CHAMP1: variants seen among roughly 807,000 people sequenced by gnomAD.
CHAMP1 encodes the protein chromosome alignment maintaining phosphoprotein 1, also known as chromosome alignment-maintaining phosphoprotein 1.
A neutral mutation model predicts 54.5 loss-of-function variants in CHAMP1; 4 were observed. The observed-to-expected ratio is 0.07, with a 90% CI of 0.04 to 0.17. The LOEUF (loss-of-function observed/expected upper bound fraction) is 0.17. Among genes scored for constraint, CHAMP1 ranks in the 10% least tolerant of loss-of-function variants. CHAMP1 has a pLI of 1.00. For synonymous variants in CHAMP1, 368 were observed against 342.2 expected (o/e 1.08, Z -0.83); for missense variants, 994 against 968.6 (o/e 1.03, Z -0.35).
rs1348911895 is a variant in CHAMP1, at chr13:114,327,300, TAAAA to T, written c.*1021_*1024del. The T allele has an allele frequency of 6.4e-6, 1 of 155,778 alleles. No homozygotes were observed. Among genetic ancestry groups the T allele is most frequent in the Non-Finnish European group, 1.5e-5 (1 of 68,038 alleles). The allele number at this position is 155,778 out of a possible 1,614,324, so 9.6% of individuals were successfully genotyped here. On this transcript the variant is annotated 3_prime_UTR_variant, in exon 3 of 3. Transcript: ENST00000361283. ...TTTGTCAAATGTGTATCAACCAAATTAAAAAGAAAGGTTTTCATGTCAGCAACAT... is the reference window on the plus strand; with the variant it reads ...TTTGTCAAATGTGTATCAACCAAATTAGAAAGGTTTTCATGTCAGCAACAT...
At position 114,325,868 on chromosome 13, in the gene CHAMP1, C is replaced by G. The variant is rs1157373795; in HGVS notation, c.2026C>G (p.Pro676Ala). 1.2e-6 allele frequency: 2 copies of G among 1,613,880 alleles called. No homozygotes were observed. The highest frequency in any genetic ancestry group is 1.7e-6 in the Non-Finnish European group (2 of 1,180,010). The stretch of plus-strand genomic sequence containing the variant: ...AGAGAACAAAATGGACATGACTAGT[C>G]CAGAGCAGTCTAGAAATGTGCTACA... ...SKENKMDMTS[P>A]EQSRNVLQFT... Residue 676 changes from proline (P) to alanine (A), a missense_variant, in exon 3 of 3, where the codon CCA becomes GCA. Physicochemically the swap from Pro to Ala is conservative, Grantham distance 27. This residue lies in a region of CHAMP1 where 851 missense variants were observed against 701.3 expected (regional missense o/e 1.21). Transcript: ENST00000361283.
Position 114,325,277 on chromosome 13 carries a change from C to A in CHAMP1, c.1435C>A (p.Leu479Ile), listed in dbSNP as rs1555379769. ...QKSSRGGSPD[L>I]WKSSFFIEPQ... ...AAGTTCCCGTGGTGGTTCTCCTGAT[C>A]TCTGGAAGTCTTCCTTTTTTATTGA... Residue 479 changes from leucine (L) to isoleucine (I), a missense_variant, in exon 3 of 3, where the codon CTC becomes ATC. By Grantham distance (5) the Leu-to-Ile change is conservative (BLOSUM62 2). Transcript: ENST00000361283. The A allele has an allele frequency of 6.2e-7, 1 of 1,614,178 alleles. No homozygotes were observed. Among genetic ancestry groups the A allele is most frequent in the Non-Finnish European group, 8.5e-7 (1 of 1,180,034 alleles).
intron 1 of CHAMP1, among the ~76,000 whole-genome samples, chr13:114,319,408 G>A (rs117789478): frequency 0.011 from 1,657 of 152,238 alleles, 89 homozygotes; most frequent in Admixed American, 0.076. Flanking sequence ...GATGTGCAAC[G>A]GTTCCAGAGG....
chr13:114,325,144 A>C lies in CHAMP1; in HGVS notation c.1302A>C (p.Ala434=). The part of the protein sequence containing the change: ...PPLSPEIRSP[A]GSPELRKPSG... ...TATCCCCAGAGATCCGTAGTCCAGC[A>C]GGATCTCCAGAGCTCAGAAAACCCT... Residue 434 remains alanine (A), a synonymous_variant, in exon 3 of 3, where the codon GCA becomes GCC. Coordinates refer to ENST00000361283, the MANE Select transcript of CHAMP1 (RefSeq NM_032436.4). 2 of 1,614,182 alleles carry C rather than the reference A, an allele frequency of 1.2e-6. No homozygotes were observed. Among genetic ancestry groups the C allele is most frequent in the South Asian group, 2.2e-5 (2 of 91,086 alleles).
chr13:114,324,468 A>C lies in CHAMP1; in HGVS notation c.626A>C (p.Lys209Thr). 1 of 1,614,172 alleles carries C rather than the reference A, an allele frequency of 6.2e-7. No individual in the cohort carries two copies. The highest frequency in any genetic ancestry group is 1.3e-5 in the African/African-American group (1 of 75,024). The change falls in exon 3 of 3, where the codon AAA becomes ACA. Residue 209 changes from lysine (K) to threonine (T), a missense_variant. Physicochemically the swap from Lys to Thr is moderately conservative, Grantham distance 78. This residue lies in a region of CHAMP1 where 851 missense variants were observed against 701.3 expected (regional missense o/e 1.21). Coordinates refer to ENST00000361283, the MANE Select transcript of CHAMP1 (RefSeq NM_032436.4). ...CCTGTTCCTTCTCCAGAACCACAGA[A>C]ACCTGCCCCTGTATCTCCTGAGTCA... ...LAPVPSPEPQKPAPVSPESVK... is the reference protein window; with the variant it reads ...LAPVPSPEPQTPAPVSPESVK...
At chr13:114,316,537 C>G (rs1056620313) in intron 1 of CHAMP1, among the ~76,000 whole-genome samples, 1 of 151,344 alleles carries the variant, frequency 6.6e-6, no homozygotes, top group South Asian at 2.1e-4. Context: ...TTGCAGTGAG[C>G]CGAGATTGCG....
chr13:114,325,750 C>T lies in CHAMP1; in HGVS notation c.1908C>T (p.Tyr636=). Residue 636 remains tyrosine, a synonymous_variant, in exon 3 of 3, where the codon TAC becomes TAT. Transcript: ENST00000361283. ...ACGCTGAGCTTAGTAGTAGTGAGTA[C>T]ATAAAAACAGATTTGGATGCGATGG... The part of the protein sequence containing the change: ...SSDAELSSSE[Y]IKTDLDAMDI... 6.2e-7 allele frequency: 1 copy of T among 1,614,098 alleles called. No homozygotes were observed. Among genetic ancestry groups the T allele is most frequent in the Non-Finnish European group, 8.5e-7 (1 of 1,180,014 alleles).
rs782559791 is a variant in CHAMP1, at chr13:114,325,829, A to T, written c.1987A>T (p.Ile663Phe). The T allele has an allele frequency of 6.2e-7, 1 of 1,614,090 alleles. No homozygotes were observed. The highest frequency in any genetic ancestry group is 1.3e-5 in the African/African-American group (1 of 74,940). Residue 663 changes from isoleucine (I) to phenylalanine (F), a missense_variant, in exon 3 of 3, where the codon ATT (isoleucine) becomes TTT (phenylalanine). By Grantham distance (21) the Ile-to-Phe change is conservative. Transcript: ENST00000361283. ...SDQEQVDVESIDFSKENKMDM... is the reference protein window; with the variant it reads ...SDQEQVDVESFDFSKENKMDM... ...TCAAGAGCAGGTTGATGTGGAATCC[A>T]TTGATTTTAGCAAAGAGAACAAAAT...
At chr13:114,316,660 TATC>T (rs1005318753) in intron 1 of CHAMP1, among the ~76,000 whole-genome samples, 13 of 152,112 alleles carry the variant, frequency 8.5e-5, no homozygotes, top group African/African-American at 2.2e-4. Flanking sequence ...AGTATTAGCT[TATC>T]ATTGTAGCAG....
chr13:114,324,225 C>T lies in CHAMP1; in HGVS notation c.383C>T (p.Pro128Leu), dbSNP rs781916452. 3.1e-6 allele frequency: 5 copies of T among 1,614,144 alleles called. No homozygotes were observed. The highest frequency in any genetic ancestry group is 4.2e-6 in the Non-Finnish European group (5 of 1,180,032). ...AATTCAGCAGAACCAAAATCCATAC[C>T]TGCCCTTTCAATGGAAACACAGAAA... The part of the protein sequence containing the change: ...PCNSAEPKSI[P>L]ALSMETQKLG... Residue 128 changes from proline (P) to leucine (L), a missense_variant, in exon 3 of 3, where the codon CCT (proline) becomes CTT (leucine). Coordinates refer to ENST00000361283, the MANE Select transcript of CHAMP1 (RefSeq NM_032436.4).
chr13:114,319,318 G>A (rs915636722), intron 1 of CHAMP1, among the ~76,000 whole-genome samples: 2 of 152,100 alleles, frequency 1.3e-5, no homozygotes, highest in Non-Finnish European at 2.9e-5. Context: ...GGTAACTTAG[G>A]TTTCCTCTAG....
intron 1 of CHAMP1, 78 bp downstream of exon 1, chr13:114,314,721 C>G (rs2087073640): frequency 6.6e-6 from 1 of 152,118 alleles, no homozygotes; most frequent in Non-Finnish European, 1.5e-5. Context: ...GCCGACCTGG[C>G]GGGGACGGTC....
chr13:114,318,550 C>A (rs1293082511), intron 1 of CHAMP1, among the ~76,000 whole-genome samples: 3 of 152,050 alleles, frequency 2.0e-5, no homozygotes, highest in African/African-American at 7.2e-5. Context: ...TCTTGAACCC[C>A]TGAGCTCAAG....
intron 2 of CHAMP1, 70 bp from the exon 3 acceptor site, chr13:114,323,718 T>C (rs1424828307): frequency 4.0e-6 from 5 of 1,242,288 alleles, no homozygotes; most frequent in Admixed American, 2.5e-5. Context: ...TATGCAGTTA[T>C]AGAATGGACT....
intron 1 of CHAMP1, among the ~76,000 whole-genome samples, chr13:114,314,926 C>T (rs1594864586): frequency 6.6e-6 from 1 of 152,168 alleles, no homozygotes; most frequent in South Asian, 2.1e-4. Context: ...CGGCACAAGA[C>T]GAAAGCCATT....
At chr13:114,319,209 T>C (rs1378279200) in intron 1 of CHAMP1, among the ~76,000 whole-genome samples, 1 of 152,202 alleles carries the variant, frequency 6.6e-6, no homozygotes, top group Non-Finnish European at 1.5e-5. Flanking sequence ...AGCTGTTTAA[T>C]GTCAAGCTTG....
At position 114,325,775 on chromosome 13, in the gene CHAMP1, G is replaced by T; in HGVS notation, c.1933G>T (p.Asp645Tyr). The change falls in exon 3 of 3, where the codon GAT becomes TAT. Residue 645 changes from aspartate (D) to tyrosine (Y), a missense_variant. Around this residue, in one of 3 missense-constraint regions of CHAMP1, gnomAD observed 851 missense variants for 701.3 expected, o/e 1.21. Transcript: ENST00000361283. ...EYIKTDLDAM[D>Y]IKGQESSSDQ... ...CATAAAAACAGATTTGGATGCGATG[G>T]ATATTAAGGGCCAGGAATCAAGCAG... 1 of 1,614,168 alleles carries T rather than the reference G, an allele frequency of 6.2e-7. No homozygotes were observed. The highest frequency in any genetic ancestry group is 2.2e-5 in the East Asian group (1 of 44,886).
rs1012379906 is a variant in CHAMP1, at chr13:114,325,397, C to T, written c.1555C>T (p.Leu519Phe). ...KAASDIWKPV[L>F]SIDTEPRKPA... ...AGCCTCAGATATCTGGAAGCCTGTT[C>T]TCTCTATCGATACTGAGCCTAGAAA... Residue 519 changes from leucine (L) to phenylalanine (F), a missense_variant, in exon 3 of 3, where the codon CTC becomes TTC. Transcript: ENST00000361283. 4.3e-6 allele frequency: 7 copies of T among 1,614,006 alleles called. No homozygotes were observed. The South Asian group carries it at 4.4e-5, about 10-fold the overall frequency.
intron 1 of CHAMP1, among the ~76,000 whole-genome samples, chr13:114,315,836 T>G (rs1359589383): frequency 8.2e-6 from 1 of 122,200 alleles, no homozygotes; most frequent in Non-Finnish European, 1.8e-5. Flanking sequence ...GCAAGTTTTG[T>G]TTTTTTTTTT....
Sources: gnomAD v4.1 joint callset for allele counts (sites outside exome capture counted in the v4.1 genomes callset) on GRCh38, gnomAD v4.1.1 for gene constraint, gnomAD v4.1.1 regional missense constraint, MANE v1.5 for transcripts, NCBI Gene and HGNC (gene_info 2026-07-23, HGNC 2026-07-21) for gene names.